Variants in NOS1AP observed in about 807,000 individuals in gnomAD.
NOS1AP encodes the protein carboxyl-terminal PDZ ligand of neuronal nitric oxide synthase protein.
Under a neutral mutation model 56.2 loss-of-function variants are expected in NOS1AP, and 21 were observed. The observed-to-expected ratio is 0.37, with a 90% CI of 0.26 to 0.54. NOS1AP has a LOEUF of 0.54. Among genes scored for constraint, NOS1AP ranks in the 20% least tolerant of loss-of-function variants. NOS1AP has a pLI of 0.84. For missense variants in NOS1AP, 522 were observed against 657.8 expected, an observed-to-expected ratio of 0.79 and a Z score of 2.26; for synonymous variants, 270 against 274.6, an observed-to-expected ratio of 0.98 and a Z score of 0.17.
chr1:162,077,821 C>T (rs924517051), intron 1 of NOS1AP, among the ~76,000 whole-genome samples: 2 of 151,630 alleles, frequency 1.3e-5, no homozygotes, highest in East Asian at 3.9e-4. Context: ...AACATGTTGT[C>T]TTTCTCCTCC....
intron 8 of NOS1AP, chr1:162,360,984 G>A: frequency 2.2e-6 from 1 of 453,276 alleles, no homozygotes; most frequent in Non-Finnish European, 4.4e-6. Flanking sequence ...GGTTGAGGGT[G>A]GGTTTCAGAG....
At chr1:162,098,705 A>C (rs1003216109) in intron 1 of NOS1AP, among the ~76,000 whole-genome samples, 8 of 151,578 alleles carry the variant, frequency 5.3e-5, no homozygotes, top group Admixed American at 1.3e-4. Flanking sequence ...GTTTTTCCCC[A>C]CCTTGTGTCC....
At chr1:162,245,526 G>A (rs1222710845) in intron 2 of NOS1AP, among the ~76,000 whole-genome samples, 4 of 152,146 alleles carry the variant, frequency 2.6e-5, no homozygotes, top group African/African-American at 9.7e-5. Flanking sequence ...TCTACTTCTA[G>A]GTATTTACCC....
Position 162,123,988 on chromosome 1 carries a change from A to G in NOS1AP, c.106-30417A>G, listed in dbSNP as rs151309850. ...CTACAGACTTTATTTAAATTTTACC[A>G]TTAATATTCTATATAACAAAAAATA... On this transcript the variant is annotated intron_variant, in intron 1 of 9. Transcript: ENST00000361897. 4.6e-5 allele frequency among the ~76,000 whole-genome samples: 7 copies of G among 152,326 alleles called. No homozygotes were observed. In the East Asian group the frequency reaches 9.6e-4, roughly 21 times the overall value.
intron 4 of NOS1AP, among the ~76,000 whole-genome samples, chr1:162,327,145 C>G (rs1279600962): frequency 1.3e-5 from 2 of 152,130 alleles, no homozygotes; most frequent in African/African-American, 4.8e-5. Flanking sequence ...AGAGTTGGCA[C>G]ATGGCAAGGG....
chr1:162,109,673 T>C (rs1362279911), intron 1 of NOS1AP, among the ~76,000 whole-genome samples: 1 of 152,112 alleles, frequency 6.6e-6, no homozygotes, highest in Non-Finnish European at 1.5e-5. Context: ...AAGAAGGGAA[T>C]TTCTGAAAAG....
chr1:162,163,055 T>C (rs1384139459), intron 2 of NOS1AP, among the ~76,000 whole-genome samples: 1 of 152,226 alleles, frequency 6.6e-6, no homozygotes, highest in African/African-American at 2.4e-5. Context: ...CATCATACAA[T>C]ATGTGGCCTT....
intron 2 of NOS1AP, among the ~76,000 whole-genome samples, chr1:162,252,516 C>G (rs1653898167): frequency 6.6e-6 from 1 of 152,148 alleles, no homozygotes; most frequent in Non-Finnish European, 1.5e-5. Flanking sequence ...GCTGTGAGGT[C>G]AGCAAGCCCA....
intron 8 of NOS1AP, chr1:162,360,674 C>T (rs1048577432): frequency 7.2e-5 from 27 of 376,982 alleles, no homozygotes; most frequent in African/African-American, 1.3e-4. Context: ...AACAAAACTC[C>T]GCATCCCCAC....
chr1:162,343,566 A>G (rs1030391434), intron 5 of NOS1AP, among the ~76,000 whole-genome samples: 1 of 152,230 alleles, frequency 6.6e-6, no homozygotes, highest in African/African-American at 2.4e-5. Flanking sequence ...TACTTCTGTT[A>G]CACATGGGAG....
intron 4 of NOS1AP, among the ~76,000 whole-genome samples, chr1:162,309,618 G>T (rs1655960055): frequency 6.6e-6 from 1 of 152,144 alleles, no homozygotes; most frequent in Non-Finnish European, 1.5e-5. Context: ...GTAGTTCAGA[G>T]TACAGACAGA....
intron 2 of NOS1AP, among the ~76,000 whole-genome samples, chr1:162,248,944 G>A (rs1024583267): frequency 1.3e-5 from 2 of 152,130 alleles, no homozygotes; most frequent in Admixed American, 6.5e-5. Context: ...TTATCAAGGG[G>A]TGATGGACAA....
chr1:162,148,251 C>T (rs1350897211), intron 1 of NOS1AP, among the ~76,000 whole-genome samples: 1 of 152,168 alleles, frequency 6.6e-6, no homozygotes, highest in East Asian at 1.9e-4. Context: ...AATCTGTGTT[C>T]ATTTTTGGAG....
chr1:162,070,074 C>A lies in NOS1AP; in HGVS notation c.-104C>A. 1.1e-6 allele frequency: 1 copy of A among 915,550 alleles called. No individual in the cohort carries two copies. The highest frequency in any genetic ancestry group is 1.7e-5 in the African/African-American group (1 of 58,902). 56.7% of individuals were successfully genotyped at this position (915,550 alleles called of 1,614,324 possible). ...CCCCCTGCCCAGCGCTCCCAGGCCC[C>A]GCCACGCGTCGCCGCGCCCAGCTCC... On this transcript the variant is annotated 5_prime_UTR_variant, in exon 1 of 10. Transcript: ENST00000361897.
At chr1:162,210,678 T>C (rs1652322393) in intron 2 of NOS1AP, among the ~76,000 whole-genome samples, 1 of 152,194 alleles carries the variant, frequency 6.6e-6, no homozygotes, top group Non-Finnish European at 1.5e-5. Flanking sequence ...TTCAAGGCCA[T>C]GGTGGTGACT....
At chr1:162,120,115 T>A (rs1316764008) in intron 1 of NOS1AP, among the ~76,000 whole-genome samples, 1 of 151,636 alleles carries the variant, frequency 6.6e-6, no homozygotes, top group East Asian at 1.9e-4. Flanking sequence ...CACATGTATA[T>A]GTATATGATA....
chr1:162,287,273 C>A (rs1376569805), intron 2 of NOS1AP, 71 bp from the exon 3 acceptor site: 2 of 1,118,856 alleles, frequency 1.8e-6, no homozygotes, highest in African/African-American at 1.5e-5. Flanking sequence ...CAGGCATGGG[C>A]TAGCTGGGTC....
chr1:162,180,401 C>G (rs866196083), intron 2 of NOS1AP, among the ~76,000 whole-genome samples: 2 of 151,996 alleles, frequency 1.3e-5, no homozygotes, highest in African/African-American at 2.4e-5. Context: ...CCCGCCACCA[C>G]GGCCAGCTAA....
At chr1:162,312,901 G>A (rs1404353148) in intron 4 of NOS1AP, among the ~76,000 whole-genome samples, 2 of 151,512 alleles carry the variant, frequency 1.3e-5, no homozygotes, top group Non-Finnish European at 2.9e-5. Context: ...CTCAATAGAT[G>A]CAGAAAAAGC....
Sources: gnomAD v4.1 joint callset for allele counts (sites outside exome capture counted in the v4.1 genomes callset) on GRCh38, gnomAD v4.1.1 for gene constraint, MANE v1.5 for transcripts, NCBI Gene and HGNC (gene_info 2026-07-23, HGNC 2026-07-21) for gene names.